Variants in SLC5A8 observed in about 807,000 individuals in gnomAD.
The protein encoded by SLC5A8 is solute carrier family 5 member 8.
SLC5A8 carries 55 observed loss-of-function variants against 71.9 expected under a neutral mutation model. That is an observed-to-expected ratio of 0.77 (90% CI 0.62 to 0.96). The LOEUF (loss-of-function observed/expected upper bound fraction) is 0.96, where lower values mean the gene tolerates loss of function less well. Among genes scored for constraint, SLC5A8 ranks in the 40% least tolerant of loss-of-function variants. SLC5A8 has a pLI of 0.00. For missense variants in SLC5A8, 701 were observed against 745.3 expected (o/e 0.94, Z 0.69); for synonymous variants, 307 against 276.1 (o/e 1.11, Z -1.11).
chr12:101,176,164 T>C (rs2051878203), intron 10 of SLC5A8, among the ~76,000 whole-genome samples: 1 of 151,962 alleles, frequency 6.6e-6, no homozygotes, highest in African/African-American at 2.4e-5. Context: ...AAATATACTA[T>C]GCAACCATTA....
Position 101,190,715 on chromosome 12 carries a change from C to G in SLC5A8, c.693-107G>C, listed in dbSNP as rs543644006. ...GCAATGCACATTTATATACACAACACATACATAAATATGTAAAAATTTATT... is the reference window on the plus strand; with the variant it reads ...GCAATGCACATTTATATACACAACAGATACATAAATATGTAAAAATTTATT... On this transcript the variant is annotated intron_variant, in intron 5 of 14. Coordinates refer to ENST00000536262, the MANE Select transcript of SLC5A8 (RefSeq NM_145913.5). The G allele has an allele frequency of 6.3e-6, 5 of 797,602 alleles. No homozygotes were observed. In the African/African-American group the frequency reaches 9.0e-5, roughly 14 times the overall value. 49.4% of individuals were successfully genotyped at this position (797,602 alleles called of 1,614,324 possible). A position where few individuals can be genotyped will look rare whatever the true frequency, so the allele number is the denominator to read the frequency against.
At chr12:101,174,872 CAA>C (rs1309508490) in intron 10 of SLC5A8, among the ~76,000 whole-genome samples, 2 of 152,146 alleles carry the variant, frequency 1.3e-5, no homozygotes, top group African/African-American at 4.8e-5. Flanking sequence ...AGGTAAGATT[CAA>C]AGTTTCATCA....
Position 101,184,146 on chromosome 12 carries a change from C to A in SLC5A8, c.1040G>T (p.Ser347Ile), listed in dbSNP as rs1216441268. Residue 347 changes from serine to isoleucine, a missense_variant, in exon 8 of 15, where the codon AGT becomes ATT. Physicochemically the swap from Ser to Ile is moderately radical, Grantham distance 142. Coordinates refer to ENST00000536262, the MANE Select transcript of SLC5A8 (RefSeq NM_145913.5). ...TCATAGTTCATACCTTAATGTCCCA[C>A]TGTAAGCACAGGCCACAAAAAGTCC... The part of the protein sequence containing the change: ...LPGLFVACAY[S>I]GTLSTVSSSI... 6.2e-7 allele frequency: 1 copy of A among 1,614,056 alleles called. No homozygotes were observed. The highest frequency in any genetic ancestry group is 1.7e-5 in the Admixed American group (1 of 60,026).
At position 101,156,596 on chromosome 12, in the gene SLC5A8, T is replaced by A. The variant is rs1263868342; in HGVS notation, c.*683A>T. The stretch of plus-strand genomic sequence containing the variant: ...AAAAATTACAGTCTAAGAAAGGCAG[T>A]ATCAGCAGCCAAAGCCCAGAAACTC... On this transcript the variant is annotated 3_prime_UTR_variant, in exon 15 of 15. Coordinates refer to ENST00000536262, the MANE Select transcript of SLC5A8 (RefSeq NM_145913.5). 6.6e-6 allele frequency: 1 copy of A among 152,176 alleles called. No individual in the cohort carries two copies. The highest frequency in any genetic ancestry group is 6.6e-5 in the Admixed American group (1 of 15,252). The allele number at this position is 152,176 out of a possible 1,614,324, so 9.4% of individuals were successfully genotyped here.
At chr12:101,168,699 A>T (rs1294626796) in intron 10 of SLC5A8, among the ~76,000 whole-genome samples, 1 of 152,252 alleles carries the variant, frequency 6.6e-6, no homozygotes, top group African/African-American at 2.4e-5. Flanking sequence ...GTAGAAATAG[A>T]TTTAAAATCT....
At chr12:101,191,851 C>T (rs1235642513) in intron 5 of SLC5A8, among the ~76,000 whole-genome samples, 1 of 152,148 alleles carries the variant, frequency 6.6e-6, no homozygotes, top group Non-Finnish European at 1.5e-5. Flanking sequence ...ACTTTCAAAA[C>T]TAAGGTCATA....
chr12:101,208,033 T>C (rs976009618), intron 1 of SLC5A8, among the ~76,000 whole-genome samples: 7 of 152,118 alleles, frequency 4.6e-5, no homozygotes, highest in African/African-American at 1.7e-4. Context: ...GTTACCAGCC[T>C]TTTGAGTTCT....
chr12:101,157,992 A>C (rs542348156), intron 14 of SLC5A8, among the ~76,000 whole-genome samples: 1 of 152,232 alleles, frequency 6.6e-6, no homozygotes, highest in East Asian at 1.9e-4. Flanking sequence ...AGGAAAGAGG[A>C]TATGCAACAG....
intron 3 of SLC5A8, among the ~76,000 whole-genome samples, chr12:101,197,297 A>G (rs1258360072): frequency 6.6e-6 from 1 of 152,222 alleles, no homozygotes; most frequent in African/African-American, 2.4e-5. Context: ...CAGAACTAGA[A>G]TACTCCATTT....
At chr12:101,160,104 C>A (rs1005800291) in intron 13 of SLC5A8, among the ~76,000 whole-genome samples, 1 of 152,102 alleles carries the variant, frequency 6.6e-6, no homozygotes, top group African/African-American at 2.4e-5. Flanking sequence ...ATCCCTTGAA[C>A]GCAGGAGGCA....
intron 9 of SLC5A8, among the ~76,000 whole-genome samples, chr12:101,180,481 C>G (rs143629815): frequency 0.014 from 2,142 of 152,290 alleles, 74 homozygotes; most frequent in South Asian, 0.073. Flanking sequence ...CTATTCAGCT[C>G]TGCTCTGTAC....
Position 101,165,540 on chromosome 12 carries a change from C to T in SLC5A8, c.1526+954G>A, listed in dbSNP as rs1028850715. On this transcript the variant is annotated intron_variant, in intron 12 of 14. Coordinates refer to ENST00000536262, the MANE Select transcript of SLC5A8 (RefSeq NM_145913.5). The stretch of plus-strand genomic sequence containing the variant: ...CACCTAGTAAAACTTCCCTCAAATA[C>T]GCCTCAGGCTCTGGAACTACCTTTC... Among the ~76,000 whole-genome samples the T allele has an allele frequency of 7.2e-5, 11 of 152,226 alleles. 1 individual carries two copies. Among genetic ancestry groups the T allele is most frequent in the South Asian group, 4.1e-4 (2 of 4,824 alleles).
chr12:101,172,102 C>T (rs142768567), intron 10 of SLC5A8, among the ~76,000 whole-genome samples: 28 of 152,258 alleles, frequency 1.8e-4, no homozygotes, highest in South Asian at 6.2e-4. Flanking sequence ...ATCTTGAACA[C>T]GGCCCGATGA....
intron 10 of SLC5A8, among the ~76,000 whole-genome samples, chr12:101,169,322 T>G (rs770618424): frequency 6.6e-6 from 1 of 152,168 alleles, no homozygotes; most frequent in Non-Finnish European, 1.5e-5. Flanking sequence ...CTAGAACATG[T>G]CATTGTATAT....
intron 8 of SLC5A8, among the ~76,000 whole-genome samples, chr12:101,183,744 C>T (rs1868476386): frequency 2.6e-5 from 4 of 152,092 alleles, no homozygotes; most frequent in Non-Finnish European, 5.9e-5. Flanking sequence ...ATATATTATT[C>T]AACATGTAAA....
chr12:101,163,877 G>A (rs1296125698), intron 12 of SLC5A8, among the ~76,000 whole-genome samples: 1 of 152,212 alleles, frequency 6.6e-6, no homozygotes, highest in African/African-American at 2.4e-5. Flanking sequence ...GGCAAAAGGG[G>A]AGTCTTTTCA....
intron 11 of SLC5A8, among the ~76,000 whole-genome samples, 166 bp downstream of exon 11, chr12:101,167,930 T>C (rs1331470532): frequency 6.6e-6 from 1 of 152,198 alleles, no homozygotes; most frequent in African/African-American, 2.4e-5. Flanking sequence ...AGGGTCCCCA[T>C]ACATAGTACT....
At chr12:101,170,332 CAT>C (rs757857553) in intron 10 of SLC5A8, among the ~76,000 whole-genome samples, 2 of 152,226 alleles carry the variant, frequency 1.3e-5, no homozygotes, top group East Asian at 3.9e-4. Flanking sequence ...AGAAGATAAA[CAT>C]ATGTTTCTCT....
At position 101,197,087 on chromosome 12, in the gene SLC5A8, C is replaced by G. The variant is rs368649937; in HGVS notation, c.470-1925G>C. Among the ~76,000 whole-genome samples the G allele has an allele frequency of 2.8e-4, 43 of 152,232 alleles. 1 individual carries two copies. The South Asian group carries it at 6.8e-3, about 24-fold the overall frequency. On this transcript the variant is annotated intron_variant, in intron 3 of 14. Transcript: ENST00000536262. Reference sequence around the variant, plus strand: ...CAGCAAACCTTTAAATCCATGAGTTCGTAAGAATTTTTTAAAAATCTCAGT... The same window carrying G: ...CAGCAAACCTTTAAATCCATGAGTTGGTAAGAATTTTTTAAAAATCTCAGT...
Sources: gnomAD v4.1 joint callset for allele counts (sites outside exome capture counted in the v4.1 genomes callset) on GRCh38, gnomAD v4.1.1 for gene constraint, MANE v1.5 for transcripts, NCBI Gene and HGNC (gene_info 2026-07-23, HGNC 2026-07-21) for gene names.